The following CAMTA1 variants were observed in gnomAD, a reference collection of about 807,000 sequenced individuals.
The protein encoded by CAMTA1 is calmodulin binding transcription activator 1, also known as calmodulin-binding transcription activator 1.
A neutral mutation model predicts 170.9 loss-of-function variants in CAMTA1; 27 were observed. That is an observed-to-expected ratio of 0.16 (90% CI 0.12 to 0.22). The LOEUF (loss-of-function observed/expected upper bound fraction) is 0.22, where lower values mean the gene tolerates loss of function less well. Among genes scored for constraint, CAMTA1 ranks in the 10% least tolerant of loss-of-function variants. The pLI, the probability that CAMTA1 is intolerant of heterozygous loss-of-function variation, is 1.00. For missense variants in CAMTA1, 1,619 were observed against 2,217.2 expected (o/e 0.73, Z 5.42); for synonymous variants, 833 against 891.5 (o/e 0.93, Z 1.17).
chr1:7,611,095 C>T (rs1023489010), intron 6 of CAMTA1, among the ~76,000 whole-genome samples: 1 of 152,144 alleles, frequency 6.6e-6, no homozygotes, highest in Admixed American at 6.5e-5. Context: ...AGTGAAAGTA[C>T]CCACCTCCGG....
rs1437733396 is a variant in CAMTA1, at chr1:7,249,842, C to CT, written c.438+217dup. ...GAAACTGGATTGAACTAAAGCACTC[C>CT]TGTTTCTTGGGAGTCATTGCTATAT... is the stretch of plus-strand genomic sequence containing the variant. On this transcript the variant is annotated intron_variant, in intron 5 of 22. Coordinates refer to ENST00000303635, the MANE Select transcript of CAMTA1 (RefSeq NM_015215.4). The surrounding 1 kb of genome is among the most constrained non-coding windows in gnomAD (Gnocchi z 4.4). Among the ~76,000 whole-genome samples the CT allele has an allele frequency of 6.6e-6, 1 of 152,204 alleles. No individual in the cohort carries two copies. Among genetic ancestry groups the CT allele is most frequent in the Non-Finnish European group, 1.5e-5 (1 of 68,032 alleles).
At chr1:7,399,039 C>G (rs1227644317) in intron 5 of CAMTA1, among the ~76,000 whole-genome samples, 2 of 151,996 alleles carry the variant, frequency 1.3e-5, no homozygotes, top group Non-Finnish European at 2.9e-5. Flanking sequence ...GACTTTTAAC[C>G]TTCTGCTGTA....
chr1:6,942,514 A>G (rs925277743), intron 3 of CAMTA1, among the ~76,000 whole-genome samples: 3 of 152,066 alleles, frequency 2.0e-5, no homozygotes, highest in African/African-American at 7.2e-5. Flanking sequence ...AATGATAAAA[A>G]ATTAGCTGGA....
chr1:7,489,103 C>T (rs769035021), intron 6 of CAMTA1, among the ~76,000 whole-genome samples: 18 of 152,318 alleles, frequency 1.2e-4, no homozygotes, highest in African/African-American at 3.8e-4. Context: ...TACCACACTC[C>T]GTGGCCTCAC....
chr1:7,572,248 C>T (rs1365030317), intron 6 of CAMTA1, among the ~76,000 whole-genome samples: 1 of 152,220 alleles, frequency 6.6e-6, no homozygotes, highest in Admixed American at 6.5e-5. Flanking sequence ...AGACCTTTGT[C>T]AGAAGCATAG....
chr1:7,095,683 A>G (rs918501866), intron 4 of CAMTA1, among the ~76,000 whole-genome samples: 3 of 152,350 alleles, frequency 2.0e-5, no homozygotes, highest in African/African-American at 7.2e-5. Context: ...GCTCCAGGCA[A>G]AGGTTCCCTT....
At chr1:7,212,224 G>A (rs1029159732) in intron 4 of CAMTA1, among the ~76,000 whole-genome samples, 16 of 151,952 alleles carry the variant, frequency 1.1e-4, no homozygotes, top group African/African-American at 3.6e-4. Flanking sequence ...AATATAATTA[G>A]GCTCTTTTGT....
chr1:7,321,858 T>C (rs1483514946), intron 5 of CAMTA1, among the ~76,000 whole-genome samples: 1 of 152,080 alleles, frequency 6.6e-6, no homozygotes, highest in Non-Finnish European at 1.5e-5. Flanking sequence ...TCTCCTTTCT[T>C]ATCAGGCCCA....
chr1:6,860,959 A>G (rs1401581967), intron 3 of CAMTA1, among the ~76,000 whole-genome samples: 1 of 145,876 alleles, frequency 6.9e-6, no homozygotes, highest in Non-Finnish European at 1.5e-5. Context: ...GTGGAGTGTG[A>G]CTTACTTTTT....
intron 5 of CAMTA1, among the ~76,000 whole-genome samples, chr1:7,427,554 G>T (rs2091926619): frequency 6.6e-6 from 1 of 152,212 alleles, no homozygotes; most frequent in African/African-American, 2.4e-5. Context: ...TTTTATTTGG[G>T]AATTCATTGA....
intron 12 of CAMTA1, among the ~76,000 whole-genome samples, chr1:7,733,547 T>C (rs1406100635): frequency 6.6e-6 from 1 of 152,208 alleles, no homozygotes; most frequent in Non-Finnish European, 1.5e-5. Flanking sequence ...GAAGGCTTTA[T>C]ATACATTTCA....
chr1:7,703,275 G>A (rs537225444), intron 11 of CAMTA1, among the ~76,000 whole-genome samples: 2 of 152,190 alleles, frequency 1.3e-5, no homozygotes, highest in Admixed American at 6.5e-5. Context: ...GTGGTGGGGG[G>A]AGCGTGCAAG....
intron 5 of CAMTA1, among the ~76,000 whole-genome samples, chr1:7,422,122 G>A (rs1197820566): frequency 6.6e-6 from 1 of 152,162 alleles, no homozygotes; most frequent in African/African-American, 2.4e-5. Flanking sequence ...GTCTGAAGGG[G>A]CAGAGTGGGA....
At chr1:7,111,786 G>A (rs546079672) in intron 4 of CAMTA1, among the ~76,000 whole-genome samples, 2 of 149,988 alleles carry the variant, frequency 1.3e-5, no homozygotes, top group African/African-American at 2.4e-5. Flanking sequence ...TCAGGAGGCT[G>A]AAGCAGGAGA....
chr1:7,496,736 C>T (rs12029044), intron 6 of CAMTA1, among the ~76,000 whole-genome samples: 4 of 152,006 alleles, frequency 2.6e-5, no homozygotes, highest in Non-Finnish European at 5.9e-5. Flanking sequence ...CTTGGAAGGT[C>T]GTGTTGTTGA....
At chr1:6,982,558 A>G (rs912960536) in intron 3 of CAMTA1, among the ~76,000 whole-genome samples, 2 of 152,118 alleles carry the variant, frequency 1.3e-5, no homozygotes, top group African/African-American at 4.8e-5. Context: ...CCTGAATTTC[A>G]CCCTCGGGAG....
At position 7,680,881 on chromosome 1, in the gene CAMTA1, A is replaced by AGCAGCT. The variant is rs1553247169; in HGVS notation, c.2914+3150_2914+3151insAGCTGC. ...GCGCGCCAGCAGCAGCAGCAGCAGC[A>AGCAGCT]GCTGCTGCGGCGAAGTCTTTGTCCC... is the stretch of plus-strand genomic sequence containing the variant. On this transcript the variant is annotated intron_variant, in intron 11 of 22. Coordinates refer to ENST00000303635, the MANE Select transcript of CAMTA1 (RefSeq NM_015215.4). The surrounding 1 kb of genome is among the most constrained non-coding windows in gnomAD (Gnocchi z 4.4). 4.0e-5 allele frequency among the ~76,000 whole-genome samples: 6 copies of AGCAGCT among 149,024 alleles called. No homozygotes were observed. The highest frequency in any genetic ancestry group is 1.5e-4 in the African/African-American group (6 of 40,468).
At chr1:7,376,446 C>T (rs970934871) in intron 5 of CAMTA1, among the ~76,000 whole-genome samples, 1 of 152,184 alleles carries the variant, frequency 6.6e-6, no homozygotes, top group African/African-American at 2.4e-5. Context: ...GGTGTGCTGT[C>T]ATCCTGGAGA....
chr1:6,812,234 T>C (rs142681313), intron 1 of CAMTA1, among the ~76,000 whole-genome samples: 28 of 152,346 alleles, frequency 1.8e-4, no homozygotes, highest in African/African-American at 6.5e-4. Flanking sequence ...AATCACACAG[T>C]AGTATGGGAG....
Sources: allele counts gnomAD v4.1 joint callset (sites outside exome capture counted in the v4.1 genomes callset), GRCh38; gene constraint gnomAD v4.1.1; non-coding constraint Gnocchi (gnomAD v3.1); transcripts MANE v1.5; gene names NCBI Gene and HGNC (gene_info 2026-07-23, HGNC 2026-07-21).